The following PCDHA3 variants were observed in gnomAD, a reference collection of about 807,000 sequenced individuals.
PCDHA3 encodes protocadherin alpha 3, also known as protocadherin alpha-3.
PCDHA3 carries 41 observed loss-of-function variants against 62.2 expected under a neutral mutation model. The observed-to-expected ratio is 0.66, with a 90% confidence interval of 0.51 to 0.86. The LOEUF is 0.86. Ranked by LOEUF, PCDHA3 falls within the 40% of genes least tolerant of loss-of-function variation. PCDHA3 has a pLI of 0.00. For synonymous variants in PCDHA3, 640 were observed against 555.4 expected (o/e 1.15, Z -2.14); for missense variants, 1,304 against 1,241.2 (o/e 1.05, Z -0.76).
chr5:140,843,048 C>T (rs1554139673), intron 1 of PCDHA3: 2 of 1,595,084 alleles, frequency 1.3e-6, no homozygotes, highest in Non-Finnish European at 1.7e-6. Context: ...ACTGGTGGCG[C>T]AGCGAGCAAG....
rs1554124981 is a variant in PCDHA3, at chr5:140,809,069, A to G, written c.2394+5478A>G. ...CATCCCGTTCCGCGTGGGGCTGTAC[A>G]CTGGCGAGATCAGCACAACGCGTGC... On this transcript the variant is annotated intron_variant, in intron 1 of 3. Coordinates refer to ENST00000522353, the MANE Select transcript of PCDHA3 (RefSeq NM_018906.3). The G allele has an allele frequency of 2.9e-5, 47 of 1,613,780 alleles. No individual in the cohort carries two copies. The highest frequency in any genetic ancestry group is 3.8e-5 in the Non-Finnish European group (45 of 1,179,912).
At chr5:140,923,804 ATCT>A (rs1273575266) in intron 1 of PCDHA3, among the ~76,000 whole-genome samples, 1 of 152,220 alleles carries the variant, frequency 6.6e-6, no homozygotes, top group African/African-American at 2.4e-5. Flanking sequence ...CACAAATGAA[ATCT>A]TCTGAAAATA....
chr5:140,833,980 C>G (rs2150212717), intron 1 of PCDHA3, among the ~76,000 whole-genome samples: 4 of 152,216 alleles, frequency 2.6e-5, no homozygotes, highest in African/African-American at 9.6e-5. Context: ...AAAAGTTTTT[C>G]TAAGGCATGA....
In PCDHA3 at chr5:141,010,336, G is replaced by A. The variant is rs1297379181; in HGVS notation, c.*399G>A. ...AGATTGAGCAGCTTGGGAGTTTGTG[G>A]CCACTGGGTATGTGTGGCTACCGCG... On this transcript the variant is annotated 3_prime_UTR_variant, in exon 4 of 4. Coordinates refer to ENST00000522353, the MANE Select transcript of PCDHA3 (RefSeq NM_018906.3). 25 of 1,535,806 alleles carry A rather than the reference G, an allele frequency of 1.6e-5. No individual in the cohort carries two copies. The highest frequency in any genetic ancestry group is 2.2e-5 in the Non-Finnish European group (25 of 1,141,450).
chr5:140,911,907 C>T (rs926309943), intron 1 of PCDHA3, among the ~76,000 whole-genome samples: 2 of 152,110 alleles, frequency 1.3e-5, no homozygotes, highest in Admixed American at 6.6e-5. Flanking sequence ...AGTCAGAGCT[C>T]TCTAGAGGAC....
At chr5:140,940,528 A>G (rs1190387049) in intron 1 of PCDHA3, among the ~76,000 whole-genome samples, 6 of 152,156 alleles carry the variant, frequency 3.9e-5, no homozygotes, top group African/African-American at 1.4e-4. Flanking sequence ...AGCTCACTGC[A>G]ATCTTGAATT....
chr5:140,824,628 T>TTTTTTTTTTG (rs1768286843), intron 1 of PCDHA3: 1 of 131,392 alleles, frequency 7.6e-6, no homozygotes, highest in African/African-American at 3.5e-5. Flanking sequence ...TTTTTTTTTT[T>TTTTTTTTTTG]TTTTATTTTC....
intron 1 of PCDHA3, among the ~76,000 whole-genome samples, chr5:140,846,239 T>TATACA (rs1419115940): frequency 1.3e-5 from 2 of 149,652 alleles, no homozygotes; most frequent in Admixed American, 6.7e-5. Context: ...TAAAAAGAAG[T>TATACA]ATACAATAAT....
intron 1 of PCDHA3, chr5:140,871,465 C>T (rs782500075): frequency 5.0e-6 from 8 of 1,602,850 alleles, no homozygotes; most frequent in Non-Finnish European, 6.0e-6. Flanking sequence ...AGGGGAAAGA[C>T]AGGAGCCAGG....
rs150142414 is a variant in PCDHA3, at chr5:140,941,961, T to C, written c.2395-36988T>C. 4.6e-3 allele frequency among the ~76,000 whole-genome samples: 702 copies of C among 152,326 alleles called. 3 individuals are homozygous for C. Among genetic ancestry groups the C allele is most frequent in the African/African-American group, 0.016 (679 of 41,550 alleles). On this transcript the variant is annotated intron_variant, in intron 1 of 3. Transcript: ENST00000522353. Reference sequence around the variant, plus strand: ...TACTTTTGTTTTGAAAACAATAGTATCTTTACTTTCCCTAAACCTTGATAA... The same window carrying C: ...TACTTTTGTTTTGAAAACAATAGTACCTTTACTTTCCCTAAACCTTGATAA...
In PCDHA3 at chr5:140,883,790, G is replaced by T. The variant is rs200436467; in HGVS notation, c.2394+80199G>T. ...GGGCGAGCGTGCGCTGTCGAGCTAC[G>T]TGTCGGTGCACGCGGAGAGCGGCAA... On this transcript the variant is annotated intron_variant, in intron 1 of 3. Coordinates refer to ENST00000522353, the MANE Select transcript of PCDHA3 (RefSeq NM_018906.3). The T allele has an allele frequency of 3.5e-5, 57 of 1,612,406 alleles. No homozygotes were observed. The highest frequency in any genetic ancestry group is 4.3e-5 in the Non-Finnish European group (51 of 1,179,760).
chr5:140,895,838 TCTCA>T (rs1554186667), intron 1 of PCDHA3, among the ~76,000 whole-genome samples: 2 of 152,136 alleles, frequency 1.3e-5, no homozygotes, highest in Admixed American at 1.3e-4. Context: ...TCAGACAAAG[TCTCA>T]CTCTTGTACC....
chr5:140,869,344 A>C (rs540952410), intron 1 of PCDHA3: 1 of 1,613,872 alleles, frequency 6.2e-7, no homozygotes, highest in Non-Finnish European at 8.5e-7. Flanking sequence ...AAATCTGCAG[A>C]ATGGCATTTT....
At chr5:140,822,349 G>A (rs2150115734) in intron 1 of PCDHA3, 3 of 1,614,156 alleles carry the variant, frequency 1.9e-6, no homozygotes, top group Admixed American at 3.3e-5. Flanking sequence ...GAACTTTTTA[G>A]AGCTGGTTTT....
chr5:140,842,333 G>A, intron 1 of PCDHA3: 2 of 1,608,106 alleles, frequency 1.2e-6, no homozygotes, highest in South Asian at 2.2e-5. Flanking sequence ...CACCGTTTTA[G>A]TGAGAATTTT....
Position 141,010,435 on chromosome 5 carries a change from A to C in PCDHA3, c.*498A>C. 1 of 1,039,068 alleles carries C rather than the reference A, an allele frequency of 9.6e-7. No individual in the cohort carries two copies. The highest frequency in any genetic ancestry group is 1.4e-6 in the Non-Finnish European group (1 of 739,892). The allele number at this position is 1,039,068 out of a possible 1,614,324, so 64.4% of individuals were successfully genotyped here. A position where few individuals can be genotyped will look rare whatever the true frequency, so the allele number is the denominator to read the frequency against. On this transcript the variant is annotated 3_prime_UTR_variant, in exon 4 of 4. Transcript: ENST00000522353. ...TGGTACAAGGAAGGCAAGAAAACAA[A>C]GACAAATAAACAGCGGAAGTTATCA...
In PCDHA3 at chr5:140,871,059, T is replaced by A. The variant is rs781936875; in HGVS notation, c.2394+67468T>A. 4.3e-6 allele frequency: 7 copies of A among 1,613,256 alleles called. No homozygotes were observed. In the South Asian group the frequency reaches 7.7e-5, roughly 18 times the overall value. On this transcript the variant is annotated intron_variant, in intron 1 of 3. Transcript: ENST00000522353. ...ACCGACTTCTAGTACTGGTGAAGGA[T>A]CACGGTGAGCCGGCGCTGACGGCCA...
intron 1 of PCDHA3, chr5:140,809,570 A>G (rs1554125289): frequency 1.2e-6 from 2 of 1,604,996 alleles, no homozygotes; most frequent in East Asian, 4.5e-5. Flanking sequence ...ATCCTTTGCA[A>G]AGGTTAGTGT....
intron 1 of PCDHA3, among the ~76,000 whole-genome samples, chr5:140,902,277 A>G (rs1257357376): frequency 1.3e-5 from 2 of 149,170 alleles, no homozygotes; most frequent in African/African-American, 5.0e-5. Flanking sequence ...GGCTCAAGCA[A>G]TCCTCCTGCC....
Sources: gnomAD v4.1 joint callset for allele counts (sites outside exome capture counted in the v4.1 genomes callset) on GRCh38, gnomAD v4.1.1 for gene constraint, MANE v1.5 for transcripts, NCBI Gene and HGNC (gene_info 2026-07-23, HGNC 2026-07-21) for gene names.